Variants in RASGRP3 observed in about 807,000 individuals in gnomAD.
RASGRP3 encodes the protein ras guanyl-releasing protein 3.
RASGRP3 carries 54 observed loss-of-function variants against 82.7 expected under a neutral mutation model. The observed-to-expected ratio is 0.65, with a 90% CI of 0.52 to 0.82. RASGRP3 has a LOEUF of 0.82. Ranked by LOEUF, RASGRP3 falls within the 40% of genes least tolerant of loss-of-function variation. The pLI is 0.00. For synonymous variants in RASGRP3, 309 were observed against 300.5 expected, an observed-to-expected ratio of 1.03 and a Z score of -0.29; for missense variants, 861 against 828.9, an observed-to-expected ratio of 1.04 and a Z score of -0.48.
chr2:33,490,448 A>C (rs754833740), intron 1 of RASGRP3, among the ~76,000 whole-genome samples: 3 of 152,204 alleles, frequency 2.0e-5, no homozygotes, highest in Admixed American at 6.5e-5. Context: ...AAATTCTAAA[A>C]AAGCAGATCA....
chr2:33,551,729 C>T (rs1052617031), intron 14 of RASGRP3, among the ~76,000 whole-genome samples: 7 of 152,168 alleles, frequency 4.6e-5, no homozygotes, highest in African/African-American at 9.7e-5. Flanking sequence ...CACGGTGGCT[C>T]ACGCCTATAA....
At chr2:33,439,365 C>T (rs1263361211) in intron 1 of RASGRP3, among the ~76,000 whole-genome samples, 2 of 151,950 alleles carry the variant, frequency 1.3e-5, no homozygotes, top group South Asian at 4.2e-4. Flanking sequence ...TCTTGGTAAG[C>T]GGGAGGAGAG....
intron 1 of RASGRP3, among the ~76,000 whole-genome samples, chr2:33,503,482 A>T (rs1028299183): frequency 6.6e-6 from 1 of 152,224 alleles, no homozygotes; most frequent in Non-Finnish European, 1.5e-5. Flanking sequence ...TTGCTGCAGG[A>T]AAAACATCTG....
chr2:33,445,170 A>C (rs575417320), intron 1 of RASGRP3, among the ~76,000 whole-genome samples: 79 of 152,358 alleles, frequency 5.2e-4, no homozygotes, highest in Non-Finnish European at 9.4e-4. Context: ...TGGTGTGATA[A>C]AGATAGCTTC....
intron 14 of RASGRP3, among the ~76,000 whole-genome samples, chr2:33,552,905 C>T (rs1053876096): frequency 2.0e-4 from 30 of 152,176 alleles, no homozygotes; most frequent in Admixed American, 1.3e-4. Flanking sequence ...TGACAGCAGC[C>T]GGTGGTCTCA....
intron 1 of RASGRP3, among the ~76,000 whole-genome samples, chr2:33,485,974 A>G (rs1350120780): frequency 1.3e-5 from 2 of 152,206 alleles, no homozygotes; most frequent in African/African-American, 4.8e-5. Flanking sequence ...ATATATTTGG[A>G]AAATTGTTTT....
chr2:33,450,752 A>G (rs11895572), intron 2 of RASGRP3, among the ~76,000 whole-genome samples: 56 of 150,146 alleles, frequency 3.7e-4, no homozygotes, highest in African/African-American at 1.3e-3. Flanking sequence ...GGGATTGCTG[A>G]AGTATATGAT....
At chr2:33,490,171 A>G (rs866838801) in intron 1 of RASGRP3, among the ~76,000 whole-genome samples, 4 of 151,906 alleles carry the variant, frequency 2.6e-5, no homozygotes, top group Non-Finnish European at 5.9e-5. Flanking sequence ...CTTCCTTCTG[A>G]GTTTTCAGCT....
intron 14 of RASGRP3, among the ~76,000 whole-genome samples, chr2:33,554,505 C>G (rs1284984534): frequency 6.6e-6 from 1 of 151,484 alleles, no homozygotes; most frequent in East Asian, 1.9e-4. Flanking sequence ...TGGACTCTTG[C>G]TCTGTTGCCC....
intron 4 of RASGRP3, 49 bp from the exon 5 acceptor site, chr2:33,519,903 T>G: frequency 1.5e-6 from 2 of 1,310,918 alleles, no homozygotes; most frequent in Admixed American, 3.8e-5. Flanking sequence ...GCTGCAGGGG[T>G]GTGCAAAGGA....
chr2:33,483,725 G>A (rs2150944098), intron 1 of RASGRP3, among the ~76,000 whole-genome samples: 1 of 152,242 alleles, frequency 6.6e-6, no homozygotes, highest in East Asian at 1.9e-4. Flanking sequence ...CTGACCTTAA[G>A]TGATCCGCCT....
chr2:33,541,012 A>G (rs1304903588), intron 12 of RASGRP3, among the ~76,000 whole-genome samples: 1 of 146,982 alleles, frequency 6.8e-6, no homozygotes, highest in Non-Finnish European at 1.5e-5. Context: ...GGCAATAGCG[A>G]TAGATAGAAT....
At position 33,436,813 on chromosome 2, in the gene RASGRP3, T is replaced by A. The variant is rs144939947; in HGVS notation, c.-385+222T>A. 5.0e-3 allele frequency among the ~76,000 whole-genome samples: 769 copies of A among 152,330 alleles called. 4 individuals carry two copies. Among genetic ancestry groups the A allele is most frequent in the Non-Finnish European group, 9.0e-3 (611 of 68,014 alleles). ...AAAAAGTTGTTTCTTGACAATAACT[T>A]TACAAACTTTCTTCAGTTTCATTAT... On this transcript the variant is annotated intron_variant, in intron 1 of 18. Coordinates refer to the RASGRP3 transcript ENST00000402538.
At chr2:33,503,981 C>T (rs1670119554) in intron 1 of RASGRP3, among the ~76,000 whole-genome samples, 1 of 152,242 alleles carries the variant, frequency 6.6e-6, no homozygotes, top group Middle Eastern at 3.4e-3. Context: ...TTAAAAAAAT[C>T]CAAAGGTGGT....
chr2:33,491,154 A>G (rs1668808115), intron 1 of RASGRP3, among the ~76,000 whole-genome samples: 1 of 49,776 alleles, frequency 2.0e-5, no homozygotes, highest in Admixed American at 2.7e-4. Flanking sequence ...CGTCTCTACT[A>G]AAAATACAAA....
intron 1 of RASGRP3, among the ~76,000 whole-genome samples, chr2:33,489,405 C>T (rs1668667349): frequency 6.6e-6 from 1 of 152,138 alleles, no homozygotes. Context: ...ATGGCCAGTC[C>T]TTCAGAATGA....
chr2:33,446,910 G>A (rs1469269630), intron 1 of RASGRP3, among the ~76,000 whole-genome samples: 18 of 151,962 alleles, frequency 1.2e-4, no homozygotes, highest in African/African-American at 4.1e-4. Flanking sequence ...TTGGGAGGCC[G>A]AGGCGGGTGC....
intron 1 of RASGRP3, among the ~76,000 whole-genome samples, chr2:33,487,244 G>A (rs1668475713): frequency 6.6e-6 from 1 of 152,128 alleles, no homozygotes; most frequent in Non-Finnish European, 1.5e-5. Flanking sequence ...AGTTTGTCAA[G>A]TAGAGGGATG....
intron 2 of RASGRP3, among the ~76,000 whole-genome samples, chr2:33,459,301 A>AT (rs1666220665): frequency 6.6e-6 from 1 of 151,902 alleles, no homozygotes; most frequent in Non-Finnish European, 1.5e-5. Flanking sequence ...CGCCCTGCTA[A>AT]TTTTTTGTAT....
Sources: allele counts gnomAD v4.1 joint callset (sites outside exome capture counted in the v4.1 genomes callset), GRCh38; gene constraint gnomAD v4.1.1; transcripts MANE v1.5; gene names NCBI Gene and HGNC (gene_info 2026-07-23, HGNC 2026-07-21).